The following GABRA3 variants were observed in gnomAD, a reference collection of about 807,000 sequenced individuals.
GABRA3 encodes gamma-aminobutyric acid type A receptor subunit alpha3, also known as gamma-aminobutyric acid receptor subunit alpha-3.
Under a neutral mutation model 30.1 loss-of-function variants are expected in GABRA3, and 10 were observed. The observed-to-expected ratio is 0.33, with a 90% CI of 0.20 to 0.56. GABRA3 has a LOEUF of 0.56. Among genes scored for constraint, GABRA3 ranks in the 20% least tolerant of loss-of-function variants. GABRA3 has a pLI of 0.89. For synonymous variants in GABRA3, 151 were observed against 146.8 expected (o/e 1.03, Z -0.21); for missense variants, 233 against 392.0 (o/e 0.59, Z 3.42).
intron 5 of GABRA3, among the ~76,000 whole-genome samples, chrX:152,241,825 C>T (rs975311887): frequency 8.9e-5 from 10 of 111,753 alleles, no homozygotes; most frequent in African/African-American, 2.6e-4. Flanking sequence ...TGACCCCTTG[C>T]TCTTCCCAAG....
intron 4 of GABRA3, among the ~76,000 whole-genome samples, chrX:152,281,376 G>GA (rs1467636683): frequency 9.0e-6 from 1 of 111,179 alleles, no homozygotes; most frequent in Non-Finnish European, 1.9e-5. Context: ...TCTCTCCTAG[G>GA]AGATCATGGA....
chrX:152,248,030 T>A (rs945164492), intron 5 of GABRA3, among the ~76,000 whole-genome samples: 1 of 110,975 alleles, frequency 9.0e-6, no homozygotes, highest in African/African-American at 3.3e-5. Flanking sequence ...ATACCCTATA[T>A]CCAGTTGGAC....
At chrX:152,225,678 A>ATT (rs778734899) in intron 5 of GABRA3, among the ~76,000 whole-genome samples, 2 of 101,560 alleles carry the variant, frequency 2.0e-5, no homozygotes, top group African/African-American at 7.1e-5. Flanking sequence ...TCCCCTTCTG[A>ATT]TTTTTTTTTT....
At chrX:152,230,045 T>G (rs978889608) in intron 5 of GABRA3, among the ~76,000 whole-genome samples, 2 of 111,542 alleles carry the variant, frequency 1.8e-5, no homozygotes, top group African/African-American at 6.5e-5. Context: ...TTTTTCTTCC[T>G]TATTCAACTT....
intron 6 of GABRA3, among the ~76,000 whole-genome samples, chrX:152,214,875 T>C (rs758127914): frequency 9.1e-6 from 1 of 109,771 alleles, no homozygotes; most frequent in East Asian, 2.9e-4. Flanking sequence ...TAGTTCACTA[T>C]TGGCATATAG....
chrX:152,189,411 T>A (rs776728466), intron 9 of GABRA3, among the ~76,000 whole-genome samples: 5 of 112,157 alleles, frequency 4.5e-5, no homozygotes, highest in African/African-American at 1.6e-4. Flanking sequence ...TTAGAGATTG[T>A]ACTCTGGGTT....
At chrX:152,189,570 G>GC in intron 9 of GABRA3, among the ~76,000 whole-genome samples, 160 bp downstream of exon 9, 1 of 110,789 alleles carries the variant, frequency 9.0e-6, no homozygotes, top group Admixed American at 9.6e-5. Flanking sequence ...CAGACAACAT[G>GC]CCAGGTTGCC....
At chrX:152,322,388 G>T (rs1432588346) in intron 3 of GABRA3, among the ~76,000 whole-genome samples, 1 of 111,738 alleles carries the variant, frequency 8.9e-6, no homozygotes, top group African/African-American at 3.3e-5. Flanking sequence ...TGGAGGGATG[G>T]AAATGATTTG....
At chrX:152,307,841 C>T (rs145734122) in intron 3 of GABRA3, among the ~76,000 whole-genome samples, 34 of 111,904 alleles carry the variant, frequency 3.0e-4, no homozygotes, top group African/African-American at 6.8e-4. Context: ...TGGGGGAGAA[C>T]CCATGACACC....
At chrX:152,232,016 A>G (rs754546463) in intron 5 of GABRA3, among the ~76,000 whole-genome samples, 31 of 110,805 alleles carry the variant, frequency 2.8e-4, no homozygotes, top group Non-Finnish European at 5.0e-4. Context: ...ACAGAGTGTT[A>G]CTACAAATTT....
intron 1 of GABRA3, among the ~76,000 whole-genome samples, chrX:152,412,008 G>A (rs181874527): frequency 1.7e-3 from 193 of 110,594 alleles, no homozygotes; most frequent in African/African-American, 5.9e-3. Flanking sequence ...TTTTTCAGTG[G>A]GCTAAGGAAT....
intron 8 of GABRA3, among the ~76,000 whole-genome samples, chrX:152,195,025 G>A (rs1321840484): frequency 8.9e-6 from 1 of 112,074 alleles, no homozygotes; most frequent in Non-Finnish European, 1.9e-5. Flanking sequence ...CTCTTAAAGT[G>A]CTGGGATTAC....
chrX:152,399,850 G>A lies in GABRA3; in HGVS notation c.-26-35254C>T, dbSNP rs1929750805. Among the ~76,000 whole-genome samples the A allele has an allele frequency of 3.6e-5, 4 of 111,652 alleles. No individual in the cohort carries two copies. The South Asian group carries it at 1.5e-3, about 42-fold the overall frequency. ...GAAGGAAGACTGCAAAACTCTACAGGAATAGCTTTGAAGTTCTGAGCACCC... is the reference window on the plus strand; with the variant it reads ...GAAGGAAGACTGCAAAACTCTACAGAAATAGCTTTGAAGTTCTGAGCACCC... On this transcript the variant is annotated intron_variant, in intron 1 of 9. Transcript: ENST00000370314.
intron 4 of GABRA3, among the ~76,000 whole-genome samples, chrX:152,268,701 G>A (rs1938872868): frequency 9.0e-6 from 1 of 111,306 alleles, no homozygotes; most frequent in Non-Finnish European, 1.9e-5. Flanking sequence ...CCAAGTAGCT[G>A]AGACTATAAG....
At chrX:152,210,382 C>A (rs1256488688) in intron 6 of GABRA3, among the ~76,000 whole-genome samples, 1 of 111,993 alleles carries the variant, frequency 8.9e-6, no homozygotes, top group African/African-American at 3.2e-5. Context: ...TCATTTTCCT[C>A]ATTTCTACTG....
At chrX:152,346,715 A>G (rs1021988662) in intron 2 of GABRA3, among the ~76,000 whole-genome samples, 3 of 112,398 alleles carry the variant, frequency 2.7e-5, no homozygotes, top group African/African-American at 9.7e-5. Context: ...AAGACATACA[A>G]ATGACAAACA....
At chrX:152,177,982 C>T (rs1188706642) in intron 9 of GABRA3, among the ~76,000 whole-genome samples, 1 of 111,579 alleles carries the variant, frequency 9.0e-6, no homozygotes, top group East Asian at 2.8e-4. Flanking sequence ...GGAGGAGTGG[C>T]TTCCACTTGC....
chrX:152,238,207 T>G (rs1427971283), intron 5 of GABRA3, among the ~76,000 whole-genome samples: 1 of 102,712 alleles, frequency 9.7e-6, no homozygotes, highest in African/African-American at 4.0e-5. Flanking sequence ...CATGAAGGGT[T>G]GTTGAATTTT....
chrX:152,437,746 A>G (rs1930812003), intron 1 of GABRA3, among the ~76,000 whole-genome samples: 1 of 112,001 alleles, frequency 8.9e-6, no homozygotes, highest in Non-Finnish European at 1.9e-5. Context: ...AAAGAAGCAA[A>G]GATAATATAA....
Sources: gnomAD v4.1 joint callset for allele counts (sites outside exome capture counted in the v4.1 genomes callset) on GRCh38, gnomAD v4.1.1 for gene constraint, MANE v1.5 for transcripts, NCBI Gene and HGNC (gene_info 2026-07-23, HGNC 2026-07-21) for gene names.